SEMA6A: variants seen among roughly 807,000 people sequenced by gnomAD.
The protein encoded by SEMA6A is semaphorin 6A.
A neutral mutation model predicts 96.8 loss-of-function variants in SEMA6A; 25 were observed. The observed-to-expected ratio is 0.26, with a 90% CI of 0.19 to 0.36. The LOEUF (loss-of-function observed/expected upper bound fraction) is 0.36, where lower values mean the gene tolerates loss of function less well. Among genes scored for constraint, SEMA6A ranks in the 10% least tolerant of loss-of-function variants. The pLI is 1.00. For synonymous variants in SEMA6A, 612 were observed against 518.0 expected, an observed-to-expected ratio of 1.18 and a Z score of -2.46; for missense variants, 1,363 against 1,323.1, an observed-to-expected ratio of 1.03 and a Z score of -0.47.
Position 116,486,729 on chromosome 5 carries a change from CA to C in SEMA6A, c.962+19del. The C allele has an allele frequency of 6.2e-7, 1 of 1,602,410 alleles. No individual in the cohort carries two copies. Among genetic ancestry groups the C allele is most frequent in the South Asian group, 1.1e-5 (1 of 90,762 alleles). ...AGCCAGGAAGAATTGATGAGGTCAA[CA>C]CAGCTAGGGCATGATTACCTGTTAT... On this transcript the variant is annotated intron_variant, in intron 10 of 18. Coordinates refer to ENST00000343348, the MANE Select transcript of SEMA6A (RefSeq NM_020796.5).
chr5:116,513,619 T>C (rs1466467731), intron 1 of SEMA6A, among the ~76,000 whole-genome samples: 2 of 151,146 alleles, frequency 1.3e-5, no homozygotes, highest in African/African-American at 4.9e-5. Context: ...TTTTTTTTAA[T>C]TTCCAACTTT....
intron 1 of SEMA6A, among the ~76,000 whole-genome samples, chr5:116,518,953 C>T (rs981737434): frequency 1.3e-5 from 2 of 151,714 alleles, no homozygotes; most frequent in South Asian, 2.1e-4. Context: ...TTCTCAAACA[C>T]GGTATTTTCC....
chr5:116,545,998 G>A (rs1760170737), intron 1 of SEMA6A, among the ~76,000 whole-genome samples: 1 of 152,172 alleles, frequency 6.6e-6, no homozygotes, highest in African/African-American at 2.4e-5. Flanking sequence ...GGCTAAGGTG[G>A]TTCATTTTGG....
Position 116,491,722 on chromosome 5 carries a change from A to G in SEMA6A, c.535+18T>C, listed in dbSNP as rs778743591. The G allele has an allele frequency of 4.4e-6, 7 of 1,603,472 alleles. 1 individual carries two copies. The South Asian group carries it at 7.7e-5, about 18-fold the overall frequency. On this transcript the variant is annotated intron_variant, in intron 7 of 18. Coordinates refer to ENST00000343348, the MANE Select transcript of SEMA6A (RefSeq NM_020796.5). ...ACAAGCAAAAGCAAGTGCAACGAGG[A>G]GAAATCAGGTCGCTTACCTGCAAAC...
At chr5:116,495,634 A>G (rs2287686) in intron 5 of SEMA6A, 120 bp from the exon 6 acceptor site, 117,751 of 652,412 alleles carry the variant, frequency 0.18, 11,666 homozygotes, top group Admixed American at 0.27. Flanking sequence ...GACTTCTCCC[A>G]TTAAAAGTTC....
At chr5:116,563,805 C>T (rs17140134) in intron 1 of SEMA6A, among the ~76,000 whole-genome samples, 2 of 152,278 alleles carry the variant, frequency 1.3e-5, no homozygotes, top group South Asian at 2.1e-4. Flanking sequence ...CTAGCCTATG[C>T]GAATACTGTA....
chr5:116,552,580 C>A, intron 1 of SEMA6A, among the ~76,000 whole-genome samples: 1 of 152,130 alleles, frequency 6.6e-6, no homozygotes, highest in Non-Finnish European at 1.5e-5. Flanking sequence ...GGCCATGGAG[C>A]AATTTAGTTA....
chr5:116,572,214 C>A (rs988229756), intron 1 of SEMA6A, among the ~76,000 whole-genome samples: 10 of 152,318 alleles, frequency 6.6e-5, no homozygotes, highest in Non-Finnish European at 1.2e-4. Flanking sequence ...GTTGTGCGTA[C>A]AAGGGCGAGT....
chr5:116,565,276 G>A (rs965935408), intron 1 of SEMA6A, among the ~76,000 whole-genome samples: 5 of 152,116 alleles, frequency 3.3e-5, no homozygotes, highest in South Asian at 2.1e-4. Context: ...TACGAGAAGC[G>A]GTTTTCAGTC....
At chr5:116,454,453 G>A (rs534668697) in intron 18 of SEMA6A, among the ~76,000 whole-genome samples, 8 of 152,100 alleles carry the variant, frequency 5.3e-5, no homozygotes, top group Non-Finnish European at 7.4e-5. Context: ...CCAGGCTCAC[G>A]GTCCTGCAAG....
intron 6 of SEMA6A, among the ~76,000 whole-genome samples, chr5:116,493,811 C>T (rs1007856290): frequency 5.9e-5 from 9 of 152,174 alleles, no homozygotes; most frequent in Non-Finnish European, 2.9e-5. Context: ...ATCTATATTT[C>T]TCTCCACATC....
Position 116,467,733 on chromosome 5 carries a change from G to A in SEMA6A, c.1744C>T (p.Leu582Phe). Residue 582 changes from leucine to phenylalanine, a missense_variant, in exon 18 of 19, where the codon CTC becomes TTC. This residue lies in a region of SEMA6A where 883 missense variants were observed against 763.6 expected (regional missense o/e 1.16). Coordinates refer to ENST00000343348, the MANE Select transcript of SEMA6A (RefSeq NM_020796.5). ...FVALNGHSSSLLPSTTTSDST... is the reference protein window; with the variant it reads ...FVALNGHSSSFLPSTTTSDST... ...TCTGATGTGGTTGTGCTGGGCAAGA[G>A]GGAACTGGAATGCCCTGTTTTCATC... 3.1e-6 allele frequency: 5 copies of A among 1,613,742 alleles called. No individual in the cohort carries two copies. The highest frequency in any genetic ancestry group is 4.2e-6 in the Non-Finnish European group (5 of 1,179,812).
At chr5:116,566,065 A>C (rs569229718) in intron 1 of SEMA6A, among the ~76,000 whole-genome samples, 3 of 152,360 alleles carry the variant, frequency 2.0e-5, no homozygotes, top group Admixed American at 2.0e-4. Context: ...GAACATTAAA[A>C]CATAATTAAT....
In SEMA6A at chr5:116,447,371, T is replaced by C; in HGVS notation, c.2335A>G (p.Arg779Gly). The change falls in exon 19 of 19, where the codon AGG becomes GGG. Residue 779 changes from arginine to glycine, a missense_variant. By Grantham distance (125) the Arg-to-Gly change is moderately radical. Transcript: ENST00000343348. The stretch of plus-strand genomic sequence containing the variant: ...CAGGCATTGATGAGGTTCTGGTTCC[T>C]CTCCCACTCGCGGCTGCCGCGGCTG... ...KPSRGSREWE[R>G]NQNLINACTK... 1 of 1,614,010 alleles carries C rather than the reference T, an allele frequency of 6.2e-7. No homozygotes were observed. The highest frequency in any genetic ancestry group is 8.5e-7 in the Non-Finnish European group (1 of 1,179,900).
intron 1 of SEMA6A, chr5:116,563,052 C>T (rs1760884049): frequency 4.7e-6 from 2 of 426,578 alleles, no homozygotes; most frequent in South Asian, 3.8e-5. Context: ...TTAATAAATT[C>T]CCTTCATGAA....
rs10037569 is a variant in SEMA6A, at chr5:116,574,743, G to A, written c.-597C>T. The A allele has an allele frequency of 0.079, 12,112 of 152,500 alleles. 1,664 individuals carry two copies. The highest frequency in any genetic ancestry group is 0.28 in the African/African-American group (11,503 of 41,562). 9.4% of individuals were successfully genotyped at this position (152,500 alleles called of 1,614,324 possible). On this transcript the variant is annotated 5_prime_UTR_variant, in exon 1 of 19. Coordinates refer to ENST00000343348, the MANE Select transcript of SEMA6A (RefSeq NM_020796.5). ...GGCACCGCGGAGGAGCGCCGCTGCT[G>A]GGTTCCGAGCGCCTGGGCAGCCGAG...
At chr5:116,464,686 G>T (rs1755623765) in intron 18 of SEMA6A, among the ~76,000 whole-genome samples, 1 of 152,166 alleles carries the variant, frequency 6.6e-6, no homozygotes, top group African/African-American at 2.4e-5. Flanking sequence ...GCAAGGTGAG[G>T]AAGGGTGTTT....
chr5:116,488,179 C>T lies in SEMA6A; in HGVS notation c.673G>A (p.Ala225Thr). Residue 225 changes from alanine (A) to threonine (T), a missense_variant, in exon 9 of 19, where the codon GCC becomes ACC. Around this residue, in one of 2 missense-constraint regions of SEMA6A, gnomAD observed 480 missense variants for 559.5 expected, o/e 0.86. Coordinates refer to ENST00000343348, the MANE Select transcript of SEMA6A (RefSeq NM_020796.5). ...TAGATATAATCTCCGTAATCCACGG[C>T]TTGAACAAAGTATGGTTCTGTAGAC... is the stretch of plus-strand genomic sequence containing the variant. ...KWLKEPYFVQ[A>T]VDYGDYIYFF... is the part of the protein sequence containing the mutation. 13 of 1,610,550 alleles carry T rather than the reference C, an allele frequency of 8.1e-6. No individual in the cohort carries two copies. The highest frequency in any genetic ancestry group is 1.1e-5 in the Non-Finnish European group (13 of 1,178,002).
At chr5:116,448,178 A>G (rs1401495625) in intron 18 of SEMA6A, among the ~76,000 whole-genome samples, 2 of 25,412 alleles carry the variant, frequency 7.9e-5, no homozygotes, top group African/African-American at 1.2e-4. Flanking sequence ...ACTAAAAAAA[A>G]AAAAAAAAAA....
Sources: allele counts gnomAD v4.1 joint callset (sites outside exome capture counted in the v4.1 genomes callset), GRCh38; gene constraint gnomAD v4.1.1; regional missense constraint gnomAD v4.1.1; transcripts MANE v1.5; gene names NCBI Gene and HGNC (gene_info 2026-07-23, HGNC 2026-07-21).